Variants in HGFAC observed in about 807,000 individuals in gnomAD.
HGFAC encodes hepatocyte growth factor activator serine protease.
In HGFAC, 76 loss-of-function variants were observed where a neutral mutation model predicts 70.6. That is an observed-to-expected ratio of 1.08 (90% confidence interval 0.89 to 1.30). The LOEUF is 1.30. HGFAC is among the 50% of genes most tolerant of loss of function. HGFAC has a pLI of 0.00. For missense variants in HGFAC, 1,044 were observed against 933.7 expected, an observed-to-expected ratio of 1.12 and a Z score of -1.54; for synonymous variants, 464 against 405.3, an observed-to-expected ratio of 1.14 and a Z score of -1.74.
At chr4:3,442,962 G>T in intron 2 of HGFAC, 50 bp downstream of exon 2, 1 of 1,556,018 alleles carries the variant, frequency 6.4e-7, no homozygotes, top group Non-Finnish European at 8.7e-7. Context: ...CTTAGGGCTG[G>T]GTGGGAGGAG....
chr4:3,447,065 G>A (rs1560194037), intron 10 of HGFAC, among the ~76,000 whole-genome samples: 1 of 152,236 alleles, frequency 6.6e-6, no homozygotes, highest in Non-Finnish European at 1.5e-5. Flanking sequence ...ATGGGAGCCA[G>A]GCTCAGGGGC....
Position 3,448,266 on chromosome 4 carries a change from A to T in HGFAC, c.1775A>T (p.Asp592Val). Residue 592 changes from aspartate (D) to valine (V), a missense_variant, in exon 13 of 14, where the codon GAC (aspartate) becomes GTC (valine). Coordinates refer to ENST00000382774, the MANE Select transcript of HGFAC (RefSeq NM_001528.4). Reference sequence around the variant, plus strand: ...GCCGGCTACTTCGACTGCAAGTCCGACGCCTGCCAGGTGAGCTGGTGCCCG... The same window carrying T: ...GCCGGCTACTTCGACTGCAAGTCCGTCGCCTGCCAGGTGAGCTGGTGCCCG... ...LCAGYFDCKS[D>V]ACQGDSGGPL... 1.2e-6 allele frequency: 2 copies of T among 1,605,516 alleles called. No homozygotes were observed. Among genetic ancestry groups the T allele is most frequent in the Non-Finnish European group, 1.7e-6 (2 of 1,177,850 alleles).
rs746933838 is a variant in HGFAC, at chr4:3,444,743, TCA to T, written c.841+11_841+12del. Reference sequence around the variant, plus strand: ...CGGCTCTGCAACATCGGTGAGTGGGTCAGCCCCCCGGGGTGCCCTGGGGCAGT... The same window carrying T: ...CGGCTCTGCAACATCGGTGAGTGGGTGCCCCCCGGGGTGCCCTGGGGCAGT... On this transcript the variant is annotated intron_variant, in intron 7 of 13. Transcript: ENST00000382774. 1 of 1,584,078 alleles carries T rather than the reference TCA, an allele frequency of 6.3e-7. No individual in the cohort carries two copies. The highest frequency in any genetic ancestry group is 1.1e-5 in the South Asian group (1 of 88,324).
At chr4:3,445,199 C>G (rs1380222519) in intron 8 of HGFAC, 66 bp from the exon 9 acceptor site, 1 of 1,402,702 alleles carries the variant, frequency 7.1e-7, no homozygotes, top group Non-Finnish European at 9.9e-7. Flanking sequence ...GGTTCCGATG[C>G]CCCCTCCCCA....
In HGFAC at chr4:3,444,933, T is replaced by G; in HGVS notation, c.956T>G (p.Leu319Arg). The change falls in exon 8 of 14, where the codon CTG becomes CGG. Residue 319 changes from leucine (L) to arginine (R), a missense_variant. Physicochemically the swap from Leu to Arg is moderately radical, Grantham distance 102. Coordinates refer to ENST00000382774, the MANE Select transcript of HGFAC (RefSeq NM_001528.4). ...AWNSDLLYQE[L>R]HVDSVGAAAL... is the part of the protein sequence containing the mutation. ...AACTCCGATCTGCTCTACCAGGAGC[T>G]GCACGTGGACTCCGTGGGCGCCGCG... The G allele has an allele frequency of 6.2e-7, 1 of 1,609,696 alleles. No homozygotes were observed. Among genetic ancestry groups the G allele is most frequent in the Non-Finnish European group, 8.5e-7 (1 of 1,178,804 alleles).
In HGFAC at chr4:3,444,821, C is replaced by A. The variant is rs934925430; in HGVS notation, c.844C>A (p.Pro282Thr). 1 of 1,591,966 alleles carries A rather than the reference C, an allele frequency of 6.3e-7. No homozygotes were observed. Among genetic ancestry groups the A allele is most frequent in the Non-Finnish European group, 8.6e-7 (1 of 1,168,126 alleles). Residue 282 changes from proline to threonine, a missense_variant and splice_region_variant, in exon 8 of 14, where the codon CCT becomes ACT. Coordinates refer to ENST00000382774, the MANE Select transcript of HGFAC (RefSeq NM_001528.4). Reference protein sequence around the residue: ...GFAGRLCNIEPDERCFLGNGT... With the variant: ...GFAGRLCNIETDERCFLGNGT... ...CCTCACTGCCCCTCTGCCCGCAGAG[C>A]CTGATGAGCGCTGCTTCTTGGGGAA...
rs961385347 is a variant in HGFAC, at chr4:3,449,234, C to T, written c.1786-3C>T. 2.0e-5 allele frequency: 32 copies of T among 1,611,010 alleles called. No individual in the cohort carries two copies. The highest frequency in any genetic ancestry group is 3.3e-5 in the Admixed American group (2 of 59,804). ...GGTGGCTCTGACCAACGTCTCTGCCCAGGGGGACTCAGGGGGGCCCCTGGC... is the reference window on the plus strand; with the variant it reads ...GGTGGCTCTGACCAACGTCTCTGCCTAGGGGGACTCAGGGGGGCCCCTGGC... On this transcript the variant is annotated splice_region_variant and splice_polypyrimidine_tract_variant and intron_variant, in intron 13 of 13. Transcript: ENST00000382774.
chr4:3,442,115 CG>C lies in HGFAC; in HGVS notation c.117+1del. On this transcript the variant is annotated frameshift_variant and splice_region_variant, in exon 1 of 14. Transcript: ENST00000382774. LOFTEE classifies it high-confidence loss of function. The stretch of plus-strand genomic sequence containing the variant: ...CACGGGGGTTCCAGCCCCAGCCTGG[CG>C]GGGTGAGCACTGACCTTGTCGCAGT... ...LPRGFQPQPG[G>X]NRTESPEPNA... 1 of 1,558,254 alleles carries C rather than the reference CG, an allele frequency of 6.4e-7. No individual in the cohort carries two copies. The highest frequency in any genetic ancestry group is 1.4e-5 in the African/African-American group (1 of 71,758).
At chr4:3,447,860 C>T (rs1205623273) in intron 11 of HGFAC, 35 bp from the exon 12 acceptor site, 13 of 1,600,732 alleles carry the variant, frequency 8.1e-6, no homozygotes, top group Non-Finnish European at 1.0e-5. Flanking sequence ...TCAGCCCGCA[C>T]ACCACAGGCT....
intron 13 of HGFAC, 49 bp downstream of exon 13, chr4:3,448,325 G>A: frequency 5.1e-6 from 8 of 1,575,886 alleles, no homozygotes; most frequent in Non-Finnish European, 6.9e-6. Context: ...GGGCTCAGCT[G>A]GTCCTGAGTC....
intron 13 of HGFAC, among the ~76,000 whole-genome samples, chr4:3,448,689 G>T (rs1725618539): frequency 6.6e-6 from 1 of 152,220 alleles, no homozygotes; most frequent in African/African-American, 2.4e-5. Context: ...CCACGTCCTG[G>T]GCTCTGCAGG....
intron 13 of HGFAC, among the ~76,000 whole-genome samples, chr4:3,448,705 G>C (rs1383913624): frequency 1.3e-5 from 2 of 152,204 alleles, no homozygotes; most frequent in Non-Finnish European, 2.9e-5. Context: ...GCAGGCCTGT[G>C]TGCTCAGGCG....
Position 3,443,004 on chromosome 4 carries a change from G to C in HGFAC, c.299-46G>C, listed in dbSNP as rs770275985. The C allele has an allele frequency of 9.8e-6, 15 of 1,529,408 alleles. No individual in the cohort carries two copies. The African/African-American group carries it at 2.1e-4, about 21-fold the overall frequency. 94.7% of individuals were successfully genotyped at this position (1,529,408 alleles called of 1,614,324 possible). On this transcript the variant is annotated intron_variant, in intron 2 of 13. Transcript: ENST00000382774. Reference sequence around the variant, plus strand: ...TGCGGCTGGAGGTCCTGAGGGGCTCGGGTGCCCCTCGAGGGAGCCCTGACC... The same window carrying C: ...TGCGGCTGGAGGTCCTGAGGGGCTCCGGTGCCCCTCGAGGGAGCCCTGACC...
At chr4:3,447,379 G>A (rs577879513) in intron 10 of HGFAC, 113 bp from the exon 11 acceptor site, 64 of 1,243,236 alleles carry the variant, frequency 5.1e-5, no homozygotes, top group African/African-American at 5.9e-5. Flanking sequence ...ACCCCTCCCC[G>A]GGACCAGGGT....
In HGFAC at chr4:3,446,106, G is replaced by A. The variant is rs945977898; in HGVS notation, c.1167G>A (p.Pro389=). 20 of 1,610,354 alleles carry A rather than the reference G, an allele frequency of 1.2e-5. No individual in the cohort carries two copies. Among genetic ancestry groups the A allele is most frequent in the Middle Eastern group, 1.6e-4 (1 of 6,070 alleles). ...LLATLPEPAS[P]GRQACGRRHK... is the part of the protein sequence containing the mutation. The stretch of plus-strand genomic sequence containing the variant: ...CGACCCTGCCTGAGCCAGCCTCCCC[G>A]GGGCGCCAGGCCTGCGGCAGGAGGC... The change falls in exon 10 of 14, where the codon CCG becomes CCA. Residue 389 remains proline, a synonymous_variant. Coordinates refer to ENST00000382774, the MANE Select transcript of HGFAC (RefSeq NM_001528.4).
chr4:3,443,851 G>T (rs1280240039), intron 4 of HGFAC, among the ~76,000 whole-genome samples, 188 bp from the exon 5 acceptor site: 2 of 152,074 alleles, frequency 1.3e-5, no homozygotes, highest in African/African-American at 4.8e-5. Flanking sequence ...TTGAGTGGGG[G>T]ACGCTGGGAG....
intron 4 of HGFAC, among the ~76,000 whole-genome samples, chr4:3,443,678 G>C (rs1306203837): frequency 6.6e-6 from 1 of 152,306 alleles, no homozygotes; most frequent in East Asian, 1.9e-4. Flanking sequence ...CAGCCACACA[G>C]GCGTGCCCCA....
At position 3,444,639 on chromosome 4, in the gene HGFAC, T is replaced by A; in HGVS notation, c.747T>A (p.Pro249=). Residue 249 remains proline (P), a synonymous_variant, in exon 7 of 14, where the codon CCT becomes CCA. Coordinates refer to ENST00000382774, the MANE Select transcript of HGFAC (RefSeq NM_001528.4). ...TGCCCCCAGCTTGTCTGAGCAGCCC[T>A]TGCCTGAACGGGGGCACCTGCCACC... ...GTRHTACLSS[P]CLNGGTCHLI... The A allele has an allele frequency of 6.3e-7, 1 of 1,596,670 alleles. No homozygotes were observed. The highest frequency in any genetic ancestry group is 1.7e-5 in the Admixed American group (1 of 59,430).
chr4:3,449,452 C>G lies in HGFAC; in HGVS notation c.*33C>G, dbSNP rs1369872043. 6.7e-7 allele frequency: 1 copy of G among 1,490,338 alleles called. No homozygotes were observed. The highest frequency in any genetic ancestry group is 1.4e-5 in the African/African-American group (1 of 70,450). 92.3% of individuals were successfully genotyped at this position (1,490,338 alleles called of 1,614,324 possible). ...GCGGGACACCCTGGTTCCCACCATT[C>G]CCTGCCTTGCTGACAATAAAGATAT... is the stretch of plus-strand genomic sequence containing the variant. On this transcript the variant is annotated 3_prime_UTR_variant, in exon 14 of 14. Coordinates refer to ENST00000382774, the MANE Select transcript of HGFAC (RefSeq NM_001528.4).
Sources: allele counts gnomAD v4.1 joint callset (sites outside exome capture counted in the v4.1 genomes callset), GRCh38; gene constraint gnomAD v4.1.1; transcripts MANE v1.5; gene names NCBI Gene and HGNC (gene_info 2026-07-23, HGNC 2026-07-21).